LRP11: variants seen among roughly 807,000 people sequenced by gnomAD.
LRP11 encodes LDL receptor related protein 11.
In LRP11, 25 loss-of-function variants were observed where a neutral mutation model predicts 43.1. The ratio of observed to expected loss-of-function variants is 0.58; its 90% CI spans 0.42 to 0.81. The LOEUF is 0.81. LRP11 is among the 30% of genes least tolerant of loss of function. The probability of loss-of-function intolerance (pLI) is 0.00; values close to 1 mark genes in which losing one functional copy is unlikely to be tolerated. For missense variants in LRP11, 623 were observed against 665.1 expected (o/e 0.94, Z 0.70); for synonymous variants, 316 against 299.4 (o/e 1.06, Z -0.57).
In LRP11 at chr6:149,860,745, C is replaced by T. The variant is rs140526699; in HGVS notation, c.613+2663G>A. 6.6e-5 allele frequency among the ~76,000 whole-genome samples: 10 copies of T among 152,288 alleles called. No individual in the cohort carries two copies. In the East Asian group the frequency reaches 7.7e-4, roughly 12 times the overall value. On this transcript the variant is annotated intron_variant, in intron 1 of 6. Transcript: ENST00000239367. ...TCTCTCACTCATTCCTGCATCCTCC[C>T]GCCTTCCCTACCTCTACCCTCGCAG...
intron 6 of LRP11, among the ~76,000 whole-genome samples, chr6:149,821,913 T>C (rs919672462): frequency 6.6e-6 from 1 of 152,216 alleles, no homozygotes; most frequent in Non-Finnish European, 1.5e-5. Context: ...CTTTTATTTG[T>C]AAATAAATAC....
chr6:149,850,781 T>C (rs1013678189), intron 2 of LRP11, among the ~76,000 whole-genome samples: 6 of 152,236 alleles, frequency 3.9e-5, no homozygotes, highest in African/African-American at 1.4e-4. Context: ...CTGCAACTTA[T>C]AGATGTTAAC....
intron 2 of LRP11, among the ~76,000 whole-genome samples, chr6:149,848,031 G>T (rs1776665174): frequency 6.6e-6 from 1 of 152,094 alleles, no homozygotes; most frequent in Admixed American, 6.6e-5. Flanking sequence ...CTTACGTGTG[G>T]TTTTCTGAAG....
intron 1 of LRP11, among the ~76,000 whole-genome samples, chr6:149,858,039 ACTT>A (rs1776827342): frequency 6.6e-6 from 1 of 151,976 alleles, no homozygotes. Context: ...CAGATCAGAT[ACTT>A]CTTTTTAATT....
At chr6:149,847,866 CACACACACACACAT>C (rs756900181) in intron 2 of LRP11, among the ~76,000 whole-genome samples, 9 of 136,564 alleles carry the variant, frequency 6.6e-5, no homozygotes, top group Middle Eastern at 3.6e-3. Context: ...CACACACACA[CACACACACACACAT>C]TGTATATACT....
At chr6:149,837,291 T>C (rs1583081866) in intron 4 of LRP11, 47 bp downstream of exon 4, 1 of 1,595,496 alleles carries the variant, frequency 6.3e-7, no homozygotes, top group South Asian at 1.1e-5. Flanking sequence ...ACCTCCCAAC[T>C]CCATCCCTTC....
chr6:149,825,929 G>A (rs1776333171), intron 6 of LRP11, among the ~76,000 whole-genome samples: 1 of 152,158 alleles, frequency 6.6e-6, no homozygotes. Context: ...GATTACAGGC[G>A]TGAGCCACTG....
intron 1 of LRP11, among the ~76,000 whole-genome samples, chr6:149,860,863 T>C (rs767598151): frequency 1.3e-5 from 2 of 152,174 alleles, no homozygotes; most frequent in Non-Finnish European, 2.9e-5. Context: ...GTGTGACCCT[T>C]GGGCAGGTTA....
chr6:149,820,630 T>C lies in LRP11; in HGVS notation c.1422A>G (p.Arg474=), dbSNP rs772646750. The C allele has an allele frequency of 1.3e-6, 1 of 781,016 alleles. No homozygotes were observed. The highest frequency in any genetic ancestry group is 1.3e-5 in the South Asian group (1 of 74,622). The allele number at this position is 781,016 out of a possible 1,614,324, so 48.4% of individuals were successfully genotyped here. ...LLLLMVACRL[R]LVKQKLKKAR... ...CTTTTTTCAGTTTCTGTTTCACCAG[T>C]CGTAGTCGGCATGCAACCATGAGAA... is the stretch of plus-strand genomic sequence containing the variant. Residue 474 remains arginine (R), a synonymous_variant, in exon 7 of 7, where the codon CGA becomes CGG. Coordinates refer to ENST00000239367, the MANE Select transcript of LRP11 (RefSeq NM_032832.6).
intron 5 of LRP11, among the ~76,000 whole-genome samples, chr6:149,834,696 G>A (rs1350266972): frequency 1.4e-4 from 22 of 152,270 alleles, no homozygotes; most frequent in Admixed American, 1.4e-3. Context: ...TGTAGTGACC[G>A]ATTTTACCAG....
intron 5 of LRP11, among the ~76,000 whole-genome samples, chr6:149,835,362 A>C (rs1023841956): frequency 9.2e-5 from 14 of 152,362 alleles, no homozygotes; most frequent in African/African-American, 2.9e-4. Flanking sequence ...TTGGGAGGCC[A>C]GCCGAGGTGG....
intron 3 of LRP11, among the ~76,000 whole-genome samples, chr6:149,840,385 T>G (rs1020890022): frequency 6.6e-6 from 1 of 152,234 alleles, no homozygotes; most frequent in Non-Finnish European, 1.5e-5. Flanking sequence ...ACACAAGACC[T>G]ATACTCAAGC....
At chr6:149,834,862 T>C (rs901078422) in intron 5 of LRP11, among the ~76,000 whole-genome samples, 27 of 152,304 alleles carry the variant, frequency 1.8e-4, no homozygotes, top group African/African-American at 6.0e-4. Context: ...TAAACAAGAG[T>C]GGAAGGAAAT....
Position 149,819,478 on chromosome 6 carries a change from C to G in LRP11, c.*1071G>C, listed in dbSNP as rs1776250636. ...AAGGGGAAAGATGCTAAGCTAGATG[C>G]TGGTTTTCTGTAAAGATGAATTTGT... is the stretch of plus-strand genomic sequence containing the variant. On this transcript the variant is annotated 3_prime_UTR_variant, in exon 7 of 7. Coordinates refer to ENST00000239367, the MANE Select transcript of LRP11 (RefSeq NM_032832.6). 6.6e-6 allele frequency: 1 copy of G among 152,526 alleles called. No homozygotes were observed. Among genetic ancestry groups the G allele is most frequent in the Non-Finnish European group, 1.5e-5 (1 of 68,024 alleles). 9.4% of individuals were successfully genotyped at this position (152,526 alleles called of 1,614,324 possible). A position where few individuals can be genotyped will look rare whatever the true frequency, so the allele number is the denominator to read the frequency against.
chr6:149,841,822 G>C (rs762771480), intron 3 of LRP11, among the ~76,000 whole-genome samples: 1 of 152,036 alleles, frequency 6.6e-6, no homozygotes. Context: ...TGAGGCAGGA[G>C]AATCACTTGA....
chr6:149,833,223 C>T (rs1209059588), intron 5 of LRP11, among the ~76,000 whole-genome samples: 1 of 152,200 alleles, frequency 6.6e-6, no homozygotes, highest in Admixed American at 6.5e-5. Flanking sequence ...AGGCGTGAGC[C>T]ACCGTGCCCG....
intron 3 of LRP11, 87 bp downstream of exon 3, chr6:149,842,896 C>A: frequency 6.8e-7 from 1 of 1,468,054 alleles, no homozygotes; most frequent in East Asian, 2.3e-5. Flanking sequence ...TGGAAGAGCC[C>A]ATGGAGCGCA....
At chr6:149,861,160 G>A (rs891258742) in intron 1 of LRP11, among the ~76,000 whole-genome samples, 15 of 152,020 alleles carry the variant, frequency 9.9e-5, no homozygotes, top group Non-Finnish European at 2.1e-4. Flanking sequence ...ACCCAAAAAC[G>A]AACAATTCAA....
intron 3 of LRP11, chr6:149,842,521 C>A: frequency 3.4e-6 from 3 of 871,142 alleles, no homozygotes; most frequent in Non-Finnish European, 5.7e-6. Flanking sequence ...CTCAGTGACA[C>A]TTTGTACCCT....
Sources: allele counts gnomAD v4.1 joint callset (sites outside exome capture counted in the v4.1 genomes callset), GRCh38; gene constraint gnomAD v4.1.1; transcripts MANE v1.5; gene names NCBI Gene and HGNC (gene_info 2026-07-23, HGNC 2026-07-21).